The following EPS8 variants were observed in gnomAD, a reference collection of about 807,000 sequenced individuals.
EPS8 encodes EGFR pathway substrate 8, signaling adaptor, also known as epidermal growth factor receptor kinase substrate 8.
Under a neutral mutation model 103.8 loss-of-function variants are expected in EPS8, and 42 were observed. That is an observed-to-expected ratio of 0.40 (90% CI 0.32 to 0.52). The LOEUF (loss-of-function observed/expected upper bound fraction) is 0.52, where lower values mean the gene tolerates loss of function less well. EPS8 is among the 20% of genes least tolerant of loss of function. The pLI, the probability that EPS8 is intolerant of heterozygous loss-of-function variation, is 0.40. For synonymous variants in EPS8, 344 were observed against 344.6 expected, an observed-to-expected ratio of 1.00 and a Z score of 0.02; for missense variants, 969 against 1,005.1, an observed-to-expected ratio of 0.96 and a Z score of 0.49.
Position 15,698,751 on chromosome 12 carries a change from G to C in EPS8, c.-21-15779C>G. Among the ~76,000 whole-genome samples the C allele has an allele frequency of 6.6e-6, 1 of 152,084 alleles. No individual in the cohort carries two copies. The highest frequency in any genetic ancestry group is 1.9e-4 in the East Asian group (1 of 5,194). On this transcript the variant is annotated intron_variant, in intron 1 of 20. Coordinates refer to ENST00000281172, the MANE Select transcript of EPS8 (RefSeq NM_004447.6). The surrounding 1 kb of genome is among the most constrained non-coding windows in gnomAD (Gnocchi z 4.9). ...CCAGTTTGAAATTTAGGAGATAGGA[G>C]ATTCAGTGTTTACAAGAATGGTGTT...
chr12:15,722,420 C>A (rs1487965963), intron 1 of EPS8, among the ~76,000 whole-genome samples: 16 of 152,208 alleles, frequency 1.1e-4, no homozygotes, highest in Admixed American at 7.9e-4. Context: ...AAATAAAAGA[C>A]AATCTGCAAC....
At chr12:15,774,537 G>C (rs957009308) in intron 1 of EPS8, among the ~76,000 whole-genome samples, 1 of 149,200 alleles carries the variant, frequency 6.7e-6, no homozygotes, top group African/African-American at 2.5e-5. Context: ...GTAAGGGAAA[G>C]GTTACAGGTT....
In EPS8 at chr12:15,728,309, CA is replaced by C. The variant is rs909131237; in HGVS notation, c.-21-45338del. ...CAATTCATAGATTCCATTTTCAAAC[CA>C]GGGGGGGTGCCTTGTGGGTGTATGT... On this transcript the variant is annotated intron_variant, in intron 1 of 20. Transcript: ENST00000281172. The surrounding 1 kb of genome is among the most constrained non-coding windows in gnomAD (Gnocchi z 4.5). 2.6e-4 allele frequency: 39 copies of C among 152,250 alleles called. No individual in the cohort carries two copies. The highest frequency in any genetic ancestry group is 4.6e-4 in the Admixed American group (7 of 15,302). 9.4% of individuals were successfully genotyped at this position (152,250 alleles called of 1,614,324 possible). A position where few individuals can be genotyped will look rare whatever the true frequency, so the allele number is the denominator to read the frequency against.
In EPS8 at chr12:15,764,468, A is replaced by G. The variant is rs1255325908; in HGVS notation, c.-22+24693T>C. ...CCAGGATCAGCAGGAGAGAGGCAAA[A>G]TATCAGACAAAGGTTACCAGAACCG... On this transcript the variant is annotated intron_variant, in intron 1 of 20. Coordinates refer to ENST00000281172, the MANE Select transcript of EPS8 (RefSeq NM_004447.6). The surrounding 1 kb of genome is among the most constrained non-coding windows in gnomAD (Gnocchi z 4.1). 1.3e-5 allele frequency among the ~76,000 whole-genome samples: 2 copies of G among 152,218 alleles called. No individual in the cohort carries two copies. The highest frequency in any genetic ancestry group is 3.8e-4 in the East Asian group (2 of 5,200).
At position 15,670,917 on chromosome 12, in the gene EPS8, C is replaced by G. The variant is rs1591840041; in HGVS notation, c.143G>C (p.Arg48Thr). ...KTSAKALYEQ[R>T]KNYARDSVSS... The stretch of plus-strand genomic sequence containing the variant: ...GACACTGTCCCGTGCATAATTCTTC[C>G]TTTGTTCTGAAAGAGAAATTGAAAA... The change falls in exon 4 of 21, where the codon AGG (arginine) becomes ACG (threonine). Residue 48 changes from arginine to threonine, a missense_variant. Arg to Thr is a moderately conservative substitution (Grantham distance 71). Coordinates refer to ENST00000281172, the MANE Select transcript of EPS8 (RefSeq NM_004447.6). The G allele has an allele frequency of 6.2e-7, 1 of 1,611,304 alleles. No individual in the cohort carries two copies. Among genetic ancestry groups the G allele is most frequent in the Non-Finnish European group, 8.5e-7 (1 of 1,178,026 alleles).
intron 3 of EPS8, among the ~76,000 whole-genome samples, chr12:15,675,553 T>G (rs1399108537): frequency 1.3e-5 from 2 of 152,222 alleles, no homozygotes; most frequent in African/African-American, 4.8e-5. Flanking sequence ...CAGCTGAGAC[T>G]GTGCCACGGC....
In EPS8 at chr12:15,688,370, G is replaced by T. The variant is rs1015750280; in HGVS notation, c.-21-5398C>A. 2.0e-5 allele frequency among the ~76,000 whole-genome samples: 3 copies of T among 152,136 alleles called. No individual in the cohort carries two copies. The highest frequency in any genetic ancestry group is 6.5e-5 in the Admixed American group (1 of 15,274). The stretch of plus-strand genomic sequence containing the variant: ...ACAGAAGTGGGGAAAGGAAGTGCTG[G>T]GTAGAGGAAGGCGGGGTCACTGGTT... On this transcript the variant is annotated intron_variant, in intron 1 of 20. Coordinates refer to ENST00000281172, the MANE Select transcript of EPS8 (RefSeq NM_004447.6). The surrounding 1 kb of genome is among the most constrained non-coding windows in gnomAD (Gnocchi z 5.1).
At chr12:15,660,985 C>T (rs562815783) in intron 9 of EPS8, among the ~76,000 whole-genome samples, 7 of 152,232 alleles carry the variant, frequency 4.6e-5, no homozygotes, top group African/African-American at 1.7e-4. Flanking sequence ...ACAATATCTG[C>T]TCAGATTATT....
chr12:15,783,804 T>A (rs958257191), intron 1 of EPS8, among the ~76,000 whole-genome samples: 1 of 152,018 alleles, frequency 6.6e-6, no homozygotes, highest in Non-Finnish European at 1.5e-5. Context: ...TATTATATAT[T>A]GGTTTCTAAG....
intron 10 of EPS8, among the ~76,000 whole-genome samples, chr12:15,659,834 A>T (rs573922406): frequency 6.6e-6 from 1 of 152,200 alleles, no homozygotes; most frequent in Non-Finnish European, 1.5e-5. Flanking sequence ...AATTGTCTGT[A>T]TGTGACTTTG....
chr12:15,704,774 A>C lies in EPS8; in HGVS notation c.-21-21802T>G, dbSNP rs969062333. 6.6e-6 allele frequency among the ~76,000 whole-genome samples: 1 copy of C among 152,174 alleles called. No homozygotes were observed. Among genetic ancestry groups the C allele is most frequent in the African/African-American group, 2.4e-5 (1 of 41,438 alleles). ...AATAATTAGAGAAATCTGAGGAACAAATGAACTACTGAATGTCTGTGAGCC... is the reference window on the plus strand; with the variant it reads ...AATAATTAGAGAAATCTGAGGAACACATGAACTACTGAATGTCTGTGAGCC... On this transcript the variant is annotated intron_variant, in intron 1 of 20. Transcript: ENST00000281172. This position sits in a 1 kb window ranked among gnomAD's most constrained non-coding sequence, Gnocchi z 4.6.
chr12:15,649,663 T>C (rs1019467589), intron 14 of EPS8, among the ~76,000 whole-genome samples: 2 of 152,194 alleles, frequency 1.3e-5, no homozygotes, highest in Non-Finnish European at 2.9e-5. Context: ...CAAAGTAATA[T>C]GTTTGCTTTA....
rs148140532 is a variant in EPS8, at chr12:15,784,776, T to A, written c.-22+4385A>T. On this transcript the variant is annotated intron_variant, in intron 1 of 20. Coordinates refer to ENST00000281172, the MANE Select transcript of EPS8 (RefSeq NM_004447.6). This position sits in a 1 kb window ranked among gnomAD's most constrained non-coding sequence, Gnocchi z 4.0. Reference sequence around the variant, plus strand: ...AGGTGAATAAACAAACCATGATATATCTGATAATGATAGAAAGAAATGAGC... The same window carrying A: ...AGGTGAATAAACAAACCATGATATAACTGATAATGATAGAAAGAAATGAGC... Among the ~76,000 whole-genome samples the A allele has an allele frequency of 6.7e-4, 102 of 152,162 alleles. 2 individuals are homozygous for A. Among genetic ancestry groups the A allele is most frequent in the African/African-American group, 2.4e-3 (100 of 41,536 alleles).
chr12:15,644,676 C>T (rs1342767043), intron 15 of EPS8, among the ~76,000 whole-genome samples: 3 of 141,614 alleles, frequency 2.1e-5, no homozygotes, highest in Non-Finnish European at 4.5e-5. Flanking sequence ...CCAGCCTGGG[C>T]GACAGAGCAA....
chr12:15,667,232 T>A (rs1449036758), intron 6 of EPS8, among the ~76,000 whole-genome samples: 2 of 152,218 alleles, frequency 1.3e-5, no homozygotes, highest in African/African-American at 4.8e-5. Context: ...TTCTCTGTAA[T>A]GTTTTCTCAA....
At chr12:15,636,269 A>G (rs907305991) in intron 17 of EPS8, among the ~76,000 whole-genome samples, 7 of 152,076 alleles carry the variant, frequency 4.6e-5, no homozygotes, top group African/African-American at 1.7e-4. Context: ...TTTTATCAAG[A>G]CATGTTATCT....
intron 1 of EPS8, among the ~76,000 whole-genome samples, chr12:15,707,382 G>A (rs1413468884): frequency 6.6e-6 from 1 of 152,044 alleles, no homozygotes; most frequent in African/African-American, 2.4e-5. Context: ...CTGACCCTCT[G>A]CTTTGAGTTC....
intron 11 of EPS8, 136 bp downstream of exon 11, chr12:15,658,361 G>T: frequency 1.4e-6 from 1 of 721,848 alleles, no homozygotes. Context: ...TTTAACTGAA[G>T]GCAAATCAAA....
rs1179287011 is a variant in EPS8 at position 15,714,207 on chromosome 12, T to C, written c.-21-31235A>G. 6.6e-6 allele frequency among the ~76,000 whole-genome samples: 1 copy of C among 152,074 alleles called. No homozygotes were observed. The highest frequency in any genetic ancestry group is 2.4e-5 in the African/African-American group (1 of 41,412). On this transcript the variant is annotated intron_variant, in intron 1 of 20. Coordinates refer to ENST00000281172, the MANE Select transcript of EPS8 (RefSeq NM_004447.6). This position sits in a 1 kb window ranked among gnomAD's most constrained non-coding sequence, Gnocchi z 4.1. Reference sequence around the variant, plus strand: ...CAAATATGCCAAACAGAAAATTGAGTGCTCAACTGATTTTTAATATGAAGA... The same window carrying C: ...CAAATATGCCAAACAGAAAATTGAGCGCTCAACTGATTTTTAATATGAAGA...
Sources: allele counts gnomAD v4.1 joint callset (sites outside exome capture counted in the v4.1 genomes callset), GRCh38; gene constraint gnomAD v4.1.1; non-coding constraint Gnocchi (gnomAD v3.1); transcripts MANE v1.5; gene names NCBI Gene and HGNC (gene_info 2026-07-23, HGNC 2026-07-21).